ST7: variants seen among roughly 807,000 people sequenced by gnomAD.
ST7 encodes the protein suppression of tumorigenicity 7, also known as suppressor of tumorigenicity 7 protein.
ST7 carries 28 observed loss-of-function variants against 78.7 expected under a neutral mutation model. The observed-to-expected ratio is 0.36, with a 90% CI of 0.26 to 0.49. The LOEUF (loss-of-function observed/expected upper bound fraction) is 0.49. ST7 is among the 20% of genes least tolerant of loss of function. The probability of loss-of-function intolerance (pLI) is 0.99; values close to 1 mark genes in which losing one functional copy is unlikely to be tolerated. For missense variants in ST7, 418 were observed against 696.0 expected, an observed-to-expected ratio of 0.60 and a Z score of 4.49; for synonymous variants, 247 against 249.6, an observed-to-expected ratio of 0.99 and a Z score of 0.10.
intron 9 of ST7, among the ~76,000 whole-genome samples, chr7:117,145,028 C>T (rs1016734440): frequency 1.3e-5 from 2 of 152,006 alleles, no homozygotes; most frequent in Non-Finnish European, 2.9e-5. Context: ...GGTAAAACCC[C>T]ATCTCTACTA....
At chr7:117,140,865 A>C (rs1328013012) in intron 9 of ST7, among the ~76,000 whole-genome samples, 1 of 152,188 alleles carries the variant, frequency 6.6e-6, no homozygotes, top group Admixed American at 6.5e-5. Context: ...AGAAATATTC[A>C]AAGTGCTCCT....
chr7:117,178,630 C>T (rs1429048262), intron 10 of ST7, among the ~76,000 whole-genome samples: 3 of 152,170 alleles, frequency 2.0e-5, no homozygotes, highest in East Asian at 3.9e-4. Context: ...GAGAATTGAC[C>T]CTCAGTTGAC....
At chr7:116,994,311 TA>T (rs1794554976) in intron 1 of ST7, among the ~76,000 whole-genome samples, 4 of 152,214 alleles carry the variant, frequency 2.6e-5, no homozygotes, top group Admixed American at 2.6e-4. Context: ...TTCAAGATTC[TA>T]AAATTTTCTG....
intron 2 of ST7, among the ~76,000 whole-genome samples, chr7:117,111,305 T>A (rs1802411328): frequency 6.6e-6 from 1 of 152,200 alleles, no homozygotes; most frequent in Non-Finnish European, 1.5e-5. Flanking sequence ...ACCTAAGCAA[T>A]GTCCTAGGAG....
chr7:117,222,984 C>T, intron 15 of ST7: 3 of 1,585,258 alleles, frequency 1.9e-6, no homozygotes, highest in Non-Finnish European at 2.6e-6. Context: ...AAACTGAACT[C>T]ATCACCCCTC....
chr7:117,187,883 C>G lies in ST7; in HGVS notation c.1079-1438C>G, dbSNP rs141416098. On this transcript the variant is annotated intron_variant, in intron 10 of 15. Transcript: ENST00000323984. ...ACATATTTCGTTCCTGTATTGATTC[C>G]CCACACTGGAAAGCTGTTAAATGTT... 535 of 152,162 alleles carry G rather than the reference C, an allele frequency of 3.5e-3. 5 individuals carry two copies. The highest frequency in any genetic ancestry group is 0.012 in the African/African-American group (513 of 41,516). 9.4% of individuals were successfully genotyped at this position (152,162 alleles called of 1,614,324 possible).
chr7:117,200,831 TTTTAA>T (rs1231841647), intron 12 of ST7, among the ~76,000 whole-genome samples: 2 of 146,262 alleles, frequency 1.4e-5, no homozygotes, highest in African/African-American at 2.6e-5. Context: ...TTTTTTTTTT[TTTTAA>T]AAAAAAAAGA....
At chr7:117,074,974 T>C (rs1799239798) in intron 1 of ST7, among the ~76,000 whole-genome samples, 1 of 152,196 alleles carries the variant, frequency 6.6e-6, no homozygotes, top group South Asian at 2.1e-4. Context: ...CAATTTGGGT[T>C]AGTGGGTGAA....
At chr7:117,080,396 A>G (rs1020680720) in intron 1 of ST7, among the ~76,000 whole-genome samples, 11 of 152,182 alleles carry the variant, frequency 7.2e-5, no homozygotes, top group African/African-American at 2.4e-4. Flanking sequence ...CCTGTCATTT[A>G]TAACTTGATT....
chr7:117,167,373 G>A (rs552369520), intron 9 of ST7, among the ~76,000 whole-genome samples: 1 of 151,886 alleles, frequency 6.6e-6, no homozygotes, highest in Non-Finnish European at 1.5e-5. Context: ...CTCGGGGGTT[G>A]CAGGGCCTCT....
intron 15 of ST7, among the ~76,000 whole-genome samples, chr7:117,225,710 C>A (rs1049713828): frequency 1.3e-5 from 2 of 152,154 alleles, no homozygotes; most frequent in African/African-American, 4.8e-5. Flanking sequence ...GTCCCTGGGA[C>A]AATGACCTTT....
intron 9 of ST7, among the ~76,000 whole-genome samples, chr7:117,170,542 A>G (rs1391455946): frequency 6.6e-6 from 1 of 152,108 alleles, no homozygotes; most frequent in Non-Finnish European, 1.5e-5. Flanking sequence ...TTAGCCGGGC[A>G]TGGTAGCATG....
chr7:117,157,918 AATGTTTT>A (rs1333278035), intron 9 of ST7, among the ~76,000 whole-genome samples: 1 of 152,182 alleles, frequency 6.6e-6, no homozygotes, highest in Non-Finnish European at 1.5e-5. Flanking sequence ...ATGAGAAAGA[AATGTTTT>A]ACTCAGAGTT....
chr7:117,025,484 C>T (rs995974321), intron 1 of ST7, among the ~76,000 whole-genome samples: 3 of 152,088 alleles, frequency 2.0e-5, no homozygotes, highest in African/African-American at 2.4e-5. Context: ...TTAGCTGCAT[C>T]GGATTTTAGA....
chr7:116,967,445 G>A, intron 1 of ST7: 2 of 470,864 alleles, frequency 4.2e-6, no homozygotes, highest in South Asian at 1.5e-5. Flanking sequence ...TGGTCAGGCA[G>A]CTTGTGCAGG....
intron 1 of ST7, among the ~76,000 whole-genome samples, chr7:116,966,965 G>T (rs546082774): frequency 4.7e-4 from 72 of 152,158 alleles, no homozygotes; most frequent in South Asian, 8.3e-4. Flanking sequence ...TCCAAAATAG[G>T]ATGTAAAATT....
chr7:117,070,531 TTTTG>T (rs149864579), intron 1 of ST7, among the ~76,000 whole-genome samples: 19,826 of 151,592 alleles, frequency 0.13, 1,640 homozygotes, highest in South Asian at 0.23. Flanking sequence ...AGCATATTGG[TTTTG>T]TTTGTTTGTT....
chr7:117,085,840 T>G (rs1050632749), intron 1 of ST7, among the ~76,000 whole-genome samples: 1 of 152,072 alleles, frequency 6.6e-6, no homozygotes, highest in African/African-American at 2.4e-5. Flanking sequence ...AGATAAGAGA[T>G]TAACGTACTT....
chr7:117,070,183 T>C (rs1798853280), intron 1 of ST7, among the ~76,000 whole-genome samples: 1 of 152,208 alleles, frequency 6.6e-6, no homozygotes, highest in African/African-American at 2.4e-5. Context: ...TTTGGTTAAT[T>C]AGCAGCTTGT....
Sources: gnomAD v4.1 joint callset for allele counts (sites outside exome capture counted in the v4.1 genomes callset) on GRCh38, gnomAD v4.1.1 for gene constraint, MANE v1.5 for transcripts, NCBI Gene and HGNC (gene_info 2026-07-23, HGNC 2026-07-21) for gene names.